Variants in CPQ observed in about 807,000 individuals in gnomAD.
CPQ encodes the protein carboxypeptidase Q, also known as Ser-Met dipeptidase.
CPQ carries 37 observed loss-of-function variants against 45.7 expected under a neutral mutation model. The ratio of observed to expected loss-of-function variants is 0.81; its 90% CI spans 0.62 to 1.07. The LOEUF is 1.07. Ranked by LOEUF, CPQ falls within the 50% of genes least tolerant of loss-of-function variation. CPQ has a pLI of 0.00. For missense variants in CPQ, 537 were observed against 572.9 expected (o/e 0.94, Z 0.64); for synonymous variants, 186 against 205.8 (o/e 0.90, Z 0.82).
intron 1 of CPQ, among the ~76,000 whole-genome samples, chr8:96,744,539 A>G (rs1486140630): frequency 6.6e-6 from 1 of 152,166 alleles, no homozygotes. Context: ...TATCTTCTTG[A>G]TGAATTGAGA....
chr8:97,123,344 T>C (rs1811790902), intron 7 of CPQ, among the ~76,000 whole-genome samples: 1 of 148,916 alleles, frequency 6.7e-6, no homozygotes, highest in South Asian at 2.1e-4. Flanking sequence ...AAATAAAAAA[T>C]AATAAAGATA....
chr8:96,822,093 C>T (rs1811314856), intron 2 of CPQ, among the ~76,000 whole-genome samples: 1 of 152,020 alleles, frequency 6.6e-6, no homozygotes, highest in Non-Finnish European at 1.5e-5. Context: ...CATTATTTTA[C>T]TCTCTGTTTC....
chr8:96,849,847 C>T (rs1352351530), intron 3 of CPQ, among the ~76,000 whole-genome samples: 1 of 152,152 alleles, frequency 6.6e-6, no homozygotes, highest in Non-Finnish European at 1.5e-5. Context: ...ATTTTTAGAA[C>T]CCAGATTTTT....
Position 96,859,584 on chromosome 8 carries a change from A to G in CPQ, c.642-20214A>G, listed in dbSNP as rs558692722. ...ATCACCTCTGAAATCTTTCCTTTCT[A>G]TAATTTTACTGTTGTTAGAACTTTT... On this transcript the variant is annotated intron_variant, in intron 3 of 7. Transcript: ENST00000220763. Among the ~76,000 whole-genome samples, 5 of 152,298 alleles carry G rather than the reference A, an allele frequency of 3.3e-5. No individual in the cohort carries two copies. In the East Asian group the frequency reaches 7.7e-4, roughly 24 times the overall value.
intron 1 of CPQ, among the ~76,000 whole-genome samples, chr8:96,703,018 T>C (rs1809487897): frequency 6.6e-6 from 1 of 152,160 alleles, no homozygotes; most frequent in African/African-American, 2.4e-5. Context: ...GAGTACAATG[T>C]TAATGAATCA....
chr8:96,762,322 G>A (rs1459692602), intron 1 of CPQ, among the ~76,000 whole-genome samples: 1 of 152,128 alleles, frequency 6.6e-6, no homozygotes, highest in Non-Finnish European at 1.5e-5. Flanking sequence ...CCAGATTGAA[G>A]TTATGACATG....
chr8:96,768,281 C>T (rs878936265), intron 1 of CPQ, among the ~76,000 whole-genome samples: 1 of 147,016 alleles, frequency 6.8e-6, no homozygotes, highest in Admixed American at 6.8e-5. Flanking sequence ...ATCTATTTGG[C>T]TTAACACTTT....
intron 5 of CPQ, among the ~76,000 whole-genome samples, chr8:96,998,628 A>C (rs1809216445): frequency 6.6e-6 from 1 of 151,958 alleles, no homozygotes; most frequent in African/African-American, 2.4e-5. Context: ...ACCTCTTTCT[A>C]TATTTACATT....
At chr8:96,908,044 G>T (rs1012598338) in intron 4 of CPQ, among the ~76,000 whole-genome samples, 1 of 151,640 alleles carries the variant, frequency 6.6e-6, no homozygotes, top group Non-Finnish European at 1.5e-5. Context: ...GGTTCCCAAG[G>T]CTCCACCTGT....
intron 2 of CPQ, among the ~76,000 whole-genome samples, chr8:96,828,833 G>A (rs898853178): frequency 6.6e-6 from 1 of 152,056 alleles, no homozygotes; most frequent in Non-Finnish European, 1.5e-5. Context: ...GAGTATAAAT[G>A]TTCCCTGTGA....
At chr8:96,967,371 T>C (rs1813584286) in intron 5 of CPQ, among the ~76,000 whole-genome samples, 1 of 152,220 alleles carries the variant, frequency 6.6e-6, no homozygotes, top group African/African-American at 2.4e-5. Context: ...GTCATTTGAA[T>C]GCTCTGGACT....
At chr8:96,693,953 A>G (rs112645284) in intron 1 of CPQ, among the ~76,000 whole-genome samples, 3,693 of 152,272 alleles carry the variant, frequency 0.024, 163 homozygotes, top group African/African-American at 0.084. Flanking sequence ...TAGAACAATA[A>G]AAAGTTAAGA....
intron 6 of CPQ, among the ~76,000 whole-genome samples, chr8:97,063,329 TTTTCTC>T (rs1380448672): frequency 6.6e-6 from 1 of 152,152 alleles, no homozygotes; most frequent in Non-Finnish European, 1.5e-5. Flanking sequence ...ATGGGGTTGT[TTTTCTC>T]TTGTAAATTT....
intron 6 of CPQ, among the ~76,000 whole-genome samples, chr8:97,038,483 A>G (rs867866514): frequency 6.6e-6 from 1 of 152,182 alleles, no homozygotes; most frequent in African/African-American, 2.4e-5. Flanking sequence ...ACCAGGATGC[A>G]CAAATCTGAA....
chr8:97,050,473 A>G (rs1810341783), intron 6 of CPQ, among the ~76,000 whole-genome samples: 1 of 152,208 alleles, frequency 6.6e-6, no homozygotes, highest in South Asian at 2.1e-4. Flanking sequence ...CCAATTTCCA[A>G]AATGCTAAAA....
intron 7 of CPQ, among the ~76,000 whole-genome samples, chr8:97,072,095 G>C (rs1810753735): frequency 6.6e-6 from 1 of 152,114 alleles, no homozygotes; most frequent in Non-Finnish European, 1.5e-5. Context: ...TGTGACATAT[G>C]TCTGTGGCTA....
intron 4 of CPQ, among the ~76,000 whole-genome samples, chr8:96,934,649 C>A (rs1303570250): frequency 6.6e-6 from 1 of 152,150 alleles, no homozygotes; most frequent in East Asian, 1.9e-4. Flanking sequence ...CTGCACATTG[C>A]TGCCACCTGG....
chr8:96,672,723 AG>A (rs1440045126), intron 1 of CPQ, among the ~76,000 whole-genome samples: 1 of 152,058 alleles, frequency 6.6e-6, no homozygotes, highest in Non-Finnish European at 1.5e-5. Context: ...GGCTGCAGTG[AG>A]CTGAGCTTGC....
intron 4 of CPQ, among the ~76,000 whole-genome samples, chr8:96,962,904 C>CTGAT (rs1813485002): frequency 1.3e-5 from 2 of 150,962 alleles, no homozygotes; most frequent in African/African-American, 4.9e-5. Context: ...GTTTTTTTTT[C>CTGAT]TGATTTAAAA....
Sources: gnomAD v4.1 joint callset for allele counts (sites outside exome capture counted in the v4.1 genomes callset) on GRCh38, gnomAD v4.1.1 for gene constraint, MANE v1.5 for transcripts, NCBI Gene and HGNC (gene_info 2026-07-23, HGNC 2026-07-21) for gene names.